CPD: variants seen among roughly 807,000 people sequenced by gnomAD.
CPD encodes metallocarboxypeptidase D.
In CPD, 69 loss-of-function variants were observed where a neutral mutation model predicts 138.3. That is an observed-to-expected ratio of 0.50 (90% CI 0.41 to 0.61). CPD has a LOEUF of 0.61. CPD is among the 20% of genes least tolerant of loss of function. The pLI is 0.00. For missense variants in CPD, 1,432 were observed against 1,733.3 expected, an observed-to-expected ratio of 0.83 and a Z score of 3.09; for synonymous variants, 651 against 642.1, an observed-to-expected ratio of 1.01 and a Z score of -0.21.
chr17:30,422,645 C>A, intron 4 of CPD, 29 bp from the exon 5 acceptor site: 1 of 1,463,918 alleles, frequency 6.8e-7, no homozygotes, highest in Non-Finnish European at 9.4e-7. Context: ...TAACTATAAA[C>A]CATTTACTTT....
rs780940185 is a variant in CPD, at chr17:30,466,931, C to CTA, written c.*2120_*2121dup. ...TTCCTGAAAGAAAAACCAAATTCTGCTATAAGTCTTGATCTTCAATGAACT... is the reference window on the plus strand; with the variant it reads ...TTCCTGAAAGAAAAACCAAATTCTGCTATATAAGTCTTGATCTTCAATGAACT... On this transcript the variant is annotated 3_prime_UTR_variant, in exon 21 of 21. Transcript: ENST00000225719. 301 of 152,572 alleles carry CTA rather than the reference C, an allele frequency of 2.0e-3. 1 individual carries two copies. The highest frequency in any genetic ancestry group is 1.6e-3 in the Non-Finnish European group (109 of 67,986). 9.5% of individuals were successfully genotyped at this position (152,572 alleles called of 1,614,324 possible).
At chr17:30,424,404 C>T (rs1341016930) in intron 6 of CPD, among the ~76,000 whole-genome samples, 1 of 152,148 alleles carries the variant, frequency 6.6e-6, no homozygotes, top group East Asian at 1.9e-4. Context: ...CATAATGAGG[C>T]ATGTCTGACC....
At chr17:30,399,165 G>A (rs1911585258) in intron 2 of CPD, among the ~76,000 whole-genome samples, 1 of 151,896 alleles carries the variant, frequency 6.6e-6, no homozygotes, top group Non-Finnish European at 1.5e-5. Flanking sequence ...TAACATCGTG[G>A]TCAGAGAACA....
chr17:30,418,517 A>G (rs574543646), intron 2 of CPD, among the ~76,000 whole-genome samples: 1 of 152,210 alleles, frequency 6.6e-6, no homozygotes, highest in African/African-American at 2.4e-5. Context: ...TTAGGATTAC[A>G]GGCATGAGCC....
At chr17:30,447,357 G>A (rs1225820528) in intron 12 of CPD, among the ~76,000 whole-genome samples, 5 of 152,126 alleles carry the variant, frequency 3.3e-5, no homozygotes, top group Non-Finnish European at 7.3e-5. Flanking sequence ...TTTGTATAAG[G>A]TGTAAGGAAG....
intron 15 of CPD, 65 bp from the exon 16 acceptor site, chr17:30,456,191 G>A: frequency 1.6e-6 from 2 of 1,289,066 alleles, no homozygotes; most frequent in Middle Eastern, 2.4e-4. Context: ...TATCCATGAA[G>A]GTTAACTTGG....
intron 7 of CPD, among the ~76,000 whole-genome samples, chr17:30,430,549 G>C (rs903490167): frequency 2.0e-5 from 3 of 152,040 alleles, no homozygotes; most frequent in African/African-American, 7.2e-5. Flanking sequence ...ATCCATTTAC[G>C]TACTGATGGA....
Position 30,449,696 on chromosome 17 carries a change from C to T in CPD, c.3017C>T (p.Ala1006Val). The T allele has an allele frequency of 6.3e-7, 1 of 1,592,690 alleles. No individual in the cohort carries two copies. ...NAPVGTELLL[A>V]LAEFLCLNYK... ...CCAGTTGGAACTGAACTGCTTTTGG[C>T]TCTGGCAGAATTTCTCTGCCTGAAC... is the stretch of plus-strand genomic sequence containing the variant. The change falls in exon 13 of 21, where the codon GCT (alanine) becomes GTT (valine). Residue 1006 changes from alanine (A) to valine (V), a missense_variant. By Grantham distance (64) the Ala-to-Val change is moderately conservative. Transcript: ENST00000225719.
chr17:30,456,620 T>C (rs1913305433), intron 17 of CPD, 94 bp downstream of exon 17: 1 of 1,253,526 alleles, frequency 8.0e-7, no homozygotes, highest in African/African-American at 1.5e-5. Flanking sequence ...GGCAGGTGGA[T>C]TTTCTGAGTT....
At chr17:30,429,753 GGTTTA>G (rs1159868528) in intron 7 of CPD, among the ~76,000 whole-genome samples, 4 of 152,110 alleles carry the variant, frequency 2.6e-5, no homozygotes, top group Non-Finnish European at 4.4e-5. Flanking sequence ...CAAAGGAAGG[GGTTTA>G]GACTTCTAGG....
rs551975003 is a variant in CPD at position 30,425,560 on chromosome 17, G to A, written c.1850-1831G>A. ...AATTCCAGCTACTCGGGAGACTGAG[G>A]CACAAGAATTGCTTTAACCTGGGAG... On this transcript the variant is annotated intron_variant, in intron 6 of 20. Coordinates refer to ENST00000225719, the MANE Select transcript of CPD (RefSeq NM_001304.5). Among the ~76,000 whole-genome samples the A allele has an allele frequency of 9.9e-5, 15 of 151,688 alleles. No homozygotes were observed. In the South Asian group the frequency reaches 3.1e-3, roughly 32 times the overall value.
Position 30,379,201 on chromosome 17 carries a change from C to G in CPD, c.221C>G (p.Ala74Gly). 1 of 1,529,060 alleles carries G rather than the reference C, an allele frequency of 6.5e-7. No individual in the cohort carries two copies. 94.7% of individuals were successfully genotyped at this position (1,529,060 alleles called of 1,614,324 possible). A position where few individuals can be genotyped will look rare whatever the true frequency, so the allele number is the denominator to read the frequency against. Residue 74 changes from alanine to glycine, a missense_variant, in exon 1 of 21, where the codon GCG becomes GGG. This residue lies in a region of CPD where 484 missense variants were observed against 477.2 expected (regional missense o/e 1.01). Transcript: ENST00000225719. The surrounding 1 kb of genome is among the most constrained non-coding windows in gnomAD (Gnocchi z 7.0). Reference protein sequence around the residue: ...LESALREAAAAGLPGLARLFS... With the variant: ...LESALREAAAGGLPGLARLFS... Reference sequence around the variant, plus strand: ...TCGGCGCTGAGGGAGGCGGCGGCCGCGGGCCTCCCCGGCCTGGCCCGCCTC... The same window carrying G: ...TCGGCGCTGAGGGAGGCGGCGGCCGGGGGCCTCCCCGGCCTGGCCCGCCTC...
At chr17:30,428,739 C>G (rs192974729) in intron 7 of CPD, among the ~76,000 whole-genome samples, 4 of 152,144 alleles carry the variant, frequency 2.6e-5, no homozygotes, top group Admixed American at 6.5e-5. Flanking sequence ...AGGGGAGTGA[C>G]TGCTAATGGA....
At chr17:30,446,083 G>T in intron 12 of CPD, 63 bp downstream of exon 12, 4 of 1,093,252 alleles carry the variant, frequency 3.7e-6, no homozygotes, top group African/African-American at 1.6e-5. Context: ...CATTAGCCAT[G>T]TTGAATAGTT....
At chr17:30,423,106 C>T (rs762307082) in intron 5 of CPD, 83 bp downstream of exon 5, 18 of 1,081,820 alleles carry the variant, frequency 1.7e-5, no homozygotes, top group Non-Finnish European at 2.4e-5. Flanking sequence ...TCAGAAAGGT[C>T]GCCTACAGTT....
intron 2 of CPD, among the ~76,000 whole-genome samples, chr17:30,414,702 T>TA (rs1427691481): frequency 6.6e-6 from 1 of 152,198 alleles, no homozygotes; most frequent in Non-Finnish European, 1.5e-5. Context: ...ATTTTGAAGT[T>TA]AGAGTCGGCA....
intron 15 of CPD, 105 bp from the exon 16 acceptor site, chr17:30,456,150 GC>G: frequency 1.1e-5 from 9 of 810,310 alleles, no homozygotes; most frequent in Admixed American, 8.1e-5. Context: ...TAAGTGGAGT[GC>G]AAAATTTATT....
At chr17:30,384,430 T>G (rs953027978) in intron 1 of CPD, among the ~76,000 whole-genome samples, 1 of 152,196 alleles carries the variant, frequency 6.6e-6, no homozygotes, top group Non-Finnish European at 1.5e-5. Context: ...ACCAGCCATA[T>G]TTTCTGTGGA....
chr17:30,414,233 G>C (rs573855599), intron 2 of CPD, among the ~76,000 whole-genome samples: 1 of 152,294 alleles, frequency 6.6e-6, no homozygotes, highest in Non-Finnish European at 1.5e-5. Context: ...CATCTCTGTT[G>C]AGTAAAGAAT....
Sources: gnomAD v4.1 joint callset for allele counts (sites outside exome capture counted in the v4.1 genomes callset) on GRCh38, gnomAD v4.1.1 for gene constraint, gnomAD v4.1.1 regional missense constraint, Gnocchi (gnomAD v3.1) non-coding constraint, MANE v1.5 for transcripts, NCBI Gene and HGNC (gene_info 2026-07-23, HGNC 2026-07-21) for gene names.